The following TEX11 variants were observed in gnomAD, a reference collection of about 807,000 sequenced individuals.
The protein encoded by TEX11 is testis-expressed protein 11.
TEX11 carries 7 observed loss-of-function variants against 84.4 expected under a neutral mutation model. That is an observed-to-expected ratio of 0.08 (90% CI 0.05 to 0.16). TEX11 has a LOEUF of 0.16. TEX11 is among the 10% of genes least tolerant of loss of function. The probability of loss-of-function intolerance (pLI) is 1.00; values close to 1 mark genes in which losing one functional copy is unlikely to be tolerated. For synonymous variants in TEX11, 264 were observed against 222.8 expected (o/e 1.18, Z -1.64); for missense variants, 551 against 660.5 (o/e 0.83, Z 1.82).
chrX:70,678,930 T>C (rs754339073), intron 14 of TEX11, 41 bp from the exon 15 acceptor site: 31 of 1,072,102 alleles, frequency 2.9e-5, no homozygotes, highest in Non-Finnish European at 2.5e-6. Flanking sequence ...AATCTCGGTC[T>C]ATTGTCTCCC....
intron 25 of TEX11, among the ~76,000 whole-genome samples, chrX:70,566,381 T>C (rs1485297998): frequency 1.6e-4 from 17 of 106,007 alleles, no homozygotes; most frequent in Non-Finnish European, 2.9e-4. Context: ...CTTTTCCTAA[T>C]TGAATACCCT....
At chrX:70,885,139 G>A (rs767525241) in intron 2 of TEX11, among the ~76,000 whole-genome samples, 2 of 110,152 alleles carry the variant, frequency 1.8e-5, no homozygotes, top group Non-Finnish European at 3.8e-5. Context: ...AGAAAGAGGT[G>A]GTAGAGGCCC....
chrX:70,723,761 G>A (rs1425807133), intron 12 of TEX11, among the ~76,000 whole-genome samples: 3 of 111,120 alleles, frequency 2.7e-5, no homozygotes, highest in African/African-American at 9.8e-5. Flanking sequence ...AATGAAAAAT[G>A]TTTATTTTTA....
At chrX:70,612,387 G>T in intron 20 of TEX11, among the ~76,000 whole-genome samples, 1 of 111,496 alleles carries the variant, frequency 9.0e-6, no homozygotes, top group Non-Finnish European at 1.9e-5. Flanking sequence ...TATGATAATT[G>T]ATCACGATTA....
chrX:70,711,841 G>A (rs1420617736), intron 13 of TEX11, among the ~76,000 whole-genome samples: 7 of 111,391 alleles, frequency 6.3e-5, no homozygotes, highest in Admixed American at 4.8e-4. Flanking sequence ...TGCTTTTGCT[G>A]TTTTAGACAT....
chrX:70,581,294 C>CTTTTTT (rs35102694), intron 25 of TEX11, among the ~76,000 whole-genome samples: 1 of 43,625 alleles, frequency 2.3e-5, no homozygotes, highest in Non-Finnish European at 4.1e-5. Context: ...TATACTGTTG[C>CTTTTTT]TTTTTTTTTT....
At chrX:70,616,888 G>C (rs187060692) in intron 20 of TEX11, among the ~76,000 whole-genome samples, 1 of 111,333 alleles carries the variant, frequency 9.0e-6, no homozygotes, top group Non-Finnish European at 1.9e-5. Context: ...GAAGGGTTGC[G>C]GGGGGTAGAA....
intron 5 of TEX11, among the ~76,000 whole-genome samples, chrX:70,859,006 C>T (rs2091553591): frequency 9.1e-6 from 1 of 109,832 alleles, no homozygotes; most frequent in South Asian, 4.0e-4. Context: ...CCACTGCACT[C>T]CAGCCTGAGT....
At chrX:70,900,395 A>AGAAG (rs376406004) in intron 2 of TEX11, among the ~76,000 whole-genome samples, 32,197 of 59,652 alleles carry the variant, frequency 0.54, 10,073 homozygotes, top group Non-Finnish European at 0.73. Flanking sequence ...AAAAAAAAAA[A>AGAAG]AAGAAGAAGA....
At chrX:70,638,894 G>C (rs1433425428) in intron 17 of TEX11, among the ~76,000 whole-genome samples, 1 of 109,099 alleles carries the variant, frequency 9.2e-6, no homozygotes, top group Non-Finnish European at 1.9e-5. Flanking sequence ...AAATGAAAGA[G>C]AAGACATTGG....
intron 16 of TEX11, among the ~76,000 whole-genome samples, chrX:70,654,867 A>G (rs2089848310): frequency 9.0e-6 from 1 of 110,836 alleles, no homozygotes; most frequent in African/African-American, 3.3e-5. Flanking sequence ...ATATGTAACT[A>G]CATGTTTTTT....
chrX:70,511,765 A>G, the TEX11 span, among the ~76,000 whole-genome samples: 1 of 76,908 alleles, frequency 1.3e-5, no homozygotes, highest in East Asian at 4.5e-4. Context: ...AAAAAAAAAA[A>G]AAAAAAAAAA....
chrX:70,595,333 C>A (rs752204273), intron 24 of TEX11, among the ~76,000 whole-genome samples: 1 of 111,396 alleles, frequency 9.0e-6, no homozygotes, highest in African/African-American at 3.3e-5. Flanking sequence ...GATCTGCCCA[C>A]CTCGGCCTCC....
intron 10 of TEX11, among the ~76,000 whole-genome samples, chrX:70,743,864 A>G (rs1268908389): frequency 2.4e-5 from 2 of 82,862 alleles, no homozygotes; most frequent in East Asian, 4.3e-4. Flanking sequence ...GCGAGACTCT[A>G]TCTCAAAACA....
intron 9 of TEX11, among the ~76,000 whole-genome samples, chrX:70,800,264 A>T (rs1218087863): frequency 9.0e-6 from 1 of 110,699 alleles, no homozygotes; most frequent in African/African-American, 3.3e-5. Flanking sequence ...GGGAGGAGGG[A>T]GAGGAGTAAA....
chrX:70,817,199 A>G (rs2091291150), intron 8 of TEX11, among the ~76,000 whole-genome samples: 1 of 106,748 alleles, frequency 9.4e-6, no homozygotes, highest in South Asian at 4.1e-4. Flanking sequence ...ATATATACAT[A>G]CACACACACA....
intron 3 of TEX11, 57 bp downstream of exon 3, chrX:70,879,931 T>C: frequency 8.8e-6 from 9 of 1,023,327 alleles, no homozygotes; most frequent in Non-Finnish European, 1.2e-5. Flanking sequence ...TATAATACAT[T>C]GGTTAAAATG....
intron 20 of TEX11, among the ~76,000 whole-genome samples, chrX:70,614,727 C>T (rs1291422688): frequency 9.0e-6 from 1 of 111,524 alleles, no homozygotes; most frequent in Admixed American, 9.5e-5. Context: ...GTGTTGGCTT[C>T]AAGTCTGACC....
chrX:70,905,838 G>A (rs925051523), intron 2 of TEX11, among the ~76,000 whole-genome samples: 3 of 106,011 alleles, frequency 2.8e-5, no homozygotes, highest in Non-Finnish European at 5.8e-5. Context: ...GATCACCTGA[G>A]GTCAGGAGTT....
Sources: gnomAD v4.1 joint callset for allele counts (sites outside exome capture counted in the v4.1 genomes callset) on GRCh38, gnomAD v4.1.1 for gene constraint, MANE v1.5 for transcripts, NCBI Gene and HGNC (gene_info 2026-07-23, HGNC 2026-07-21) for gene names.